The following OPALIN variants were observed in gnomAD, a reference collection of about 807,000 sequenced individuals.
The protein encoded by OPALIN is oligodendrocytic myelin paranodal and inner loop protein, also known as transmembrane protein 10.
A neutral mutation model predicts 17.8 loss-of-function variants in OPALIN; 15 were observed. The observed-to-expected ratio is 0.84, with a 90% confidence interval of 0.56 to 1.29. OPALIN has a LOEUF of 1.29. Among genes scored for constraint, OPALIN ranks in the 50% most tolerant of loss-of-function variants. The pLI, the probability that OPALIN is intolerant of heterozygous loss-of-function variation, is 0.00. For synonymous variants in OPALIN, 62 were observed against 63.8 expected (o/e 0.97, Z 0.14); for missense variants, 170 against 176.0 (o/e 0.97, Z 0.19).
chr10:96,346,246 G>T, intron 5 of OPALIN, 129 bp from the exon 6 acceptor site: 1 of 765,798 alleles, frequency 1.3e-6, no homozygotes, highest in Non-Finnish European at 2.2e-6. Context: ...TGAAGCAATA[G>T]TTTTCAAGAC....
At chr10:96,352,497 C>T (rs761799959) in intron 2 of OPALIN, among the ~76,000 whole-genome samples, 2 of 152,068 alleles carry the variant, frequency 1.3e-5, no homozygotes, top group Non-Finnish European at 2.9e-5. Context: ...TGACCAGGCA[C>T]TGAAACTTGG....
At chr10:96,353,521 T>C in intron 2 of OPALIN, 5 of 1,151,824 alleles carry the variant, frequency 4.3e-6, no homozygotes, top group Non-Finnish European at 6.6e-6. Flanking sequence ...GCAAAATGGT[T>C]GGTTGCTCTA....
At chr10:96,346,493 A>G (rs968206645) in intron 5 of OPALIN, among the ~76,000 whole-genome samples, 3 of 152,224 alleles carry the variant, frequency 2.0e-5, no homozygotes, top group Non-Finnish European at 4.4e-5. Flanking sequence ...TTTATAGCCA[A>G]TGTGAAATCT....
At chr10:96,352,157 G>C (rs1240763455) in intron 2 of OPALIN, among the ~76,000 whole-genome samples, 1 of 152,130 alleles carries the variant, frequency 6.6e-6, no homozygotes, top group African/African-American at 2.4e-5. Context: ...TACAGGGATA[G>C]TAGTAGCTGC....
intron 2 of OPALIN, 78 bp from the exon 3 acceptor site, chr10:96,351,488 G>C: frequency 1.2e-6 from 1 of 846,194 alleles, no homozygotes; most frequent in African/African-American, 1.8e-5. Context: ...ATCTGCCAAA[G>C]TTTAGGCTAT....
chr10:96,358,561 T>C (rs1845901260), intron 1 of OPALIN, among the ~76,000 whole-genome samples: 1 of 152,220 alleles, frequency 6.6e-6, no homozygotes, highest in Non-Finnish European at 1.5e-5. Flanking sequence ...TGACCATCCA[T>C]GTTGCTGATG....
At chr10:96,354,952 C>T (rs1845743253) in intron 2 of OPALIN, among the ~76,000 whole-genome samples, 1 of 151,734 alleles carries the variant, frequency 6.6e-6, no homozygotes, top group Non-Finnish European at 1.5e-5. Flanking sequence ...CAAAAATTAG[C>T]CGGATATGGT....
chr10:96,356,948 A>G, intron 1 of OPALIN: 2 of 985,402 alleles, frequency 2.0e-6, no homozygotes, highest in Non-Finnish European at 2.4e-6. Context: ...ACCACTCTGC[A>G]AGGCTTCCAA....
intron 1 of OPALIN, among the ~76,000 whole-genome samples, chr10:96,358,327 C>A (rs961386990): frequency 1.3e-5 from 2 of 151,590 alleles, no homozygotes; most frequent in African/African-American, 4.8e-5. Context: ...ATGGCAGGGT[C>A]TCCTCCTATT....
chr10:96,354,633 C>T lies in OPALIN; in HGVS notation c.39+622G>A, dbSNP rs143049024. The stretch of plus-strand genomic sequence containing the variant: ...GCAACAAAAGTCAAAATTTATGTAA[C>T]GCCAAACAGGACAGGAAGGGTTACA... On this transcript the variant is annotated intron_variant, in intron 2 of 5. Transcript: ENST00000371172. Among the ~76,000 whole-genome samples the T allele has an allele frequency of 7.4e-3, 1,120 of 152,156 alleles. 20 individuals are homozygous for T. Among genetic ancestry groups the T allele is most frequent in the African/African-American group, 0.025 (1,037 of 41,496 alleles).
chr10:96,354,210 T>C (rs1241746678), intron 2 of OPALIN, among the ~76,000 whole-genome samples: 1 of 152,128 alleles, frequency 6.6e-6, no homozygotes, highest in East Asian at 1.9e-4. Context: ...CTCTTAGTGT[T>C]ATCTATATGC....
intron 1 of OPALIN, among the ~76,000 whole-genome samples, chr10:96,356,166 C>T (rs890471477): frequency 2.0e-5 from 3 of 152,184 alleles, no homozygotes; most frequent in Admixed American, 2.0e-4. Context: ...CCCCTTGGGT[C>T]CAGCCACCCT....
chr10:96,349,632 C>A, intron 4 of OPALIN, 75 bp downstream of exon 4: 1 of 1,518,976 alleles, frequency 6.6e-7, no homozygotes, highest in Non-Finnish European at 8.9e-7. Context: ...ATTCTGACAC[C>A]CTTAGTCCAA....
chr10:96,349,075 T>C (rs1845460566), intron 4 of OPALIN, among the ~76,000 whole-genome samples: 1 of 152,212 alleles, frequency 6.6e-6, no homozygotes, highest in African/African-American at 2.4e-5. Context: ...AATCTCTTAA[T>C]TAATGTTTAC....
At chr10:96,356,923 T>C (rs1295671521) in intron 1 of OPALIN, 2 of 985,312 alleles carry the variant, frequency 2.0e-6, no homozygotes, top group Admixed American at 6.1e-5. Context: ...AGTGTCCCGG[T>C]GACAACCTCT....
At chr10:96,349,910 AC>A (rs1193817345) in intron 3 of OPALIN, 84 bp from the exon 4 acceptor site, 1 of 1,395,308 alleles carries the variant, frequency 7.2e-7, no homozygotes, top group Non-Finnish European at 9.6e-7. Context: ...TAAAAATAAA[AC>A]AAAAAATCTG....
chr10:96,351,104 A>C (rs1389513284), intron 3 of OPALIN, among the ~76,000 whole-genome samples: 1 of 152,178 alleles, frequency 6.6e-6, no homozygotes, highest in Non-Finnish European at 1.5e-5. Context: ...ATTGCCATAG[A>C]GTAGTTTTGT....
intron 2 of OPALIN, among the ~76,000 whole-genome samples, chr10:96,353,233 T>C (rs1845657996): frequency 6.6e-6 from 1 of 152,142 alleles, no homozygotes; most frequent in Non-Finnish European, 1.5e-5. Context: ...GACAGTTCAG[T>C]ATGGACTGAA....
At position 96,343,608 on chromosome 10, in the gene OPALIN, A is replaced by G. The variant is rs982422371; in HGVS notation, c.*2333T>C. ...CCACGGCTGAGTTCTCAGTAAATCC[A>G]AGGTCCTTCATGACATGTAGGAGAA... On this transcript the variant is annotated 3_prime_UTR_variant, in exon 6 of 6. Transcript: ENST00000371172. 17 of 152,242 alleles carry G rather than the reference A, an allele frequency of 1.1e-4. No individual in the cohort carries two copies. The highest frequency in any genetic ancestry group is 4.1e-4 in the African/African-American group (17 of 41,466). 9.4% of individuals were successfully genotyped at this position (152,242 alleles called of 1,614,324 possible). A position where few individuals can be genotyped will look rare whatever the true frequency, so the allele number is the denominator to read the frequency against.
Sources: allele counts gnomAD v4.1 joint callset (sites outside exome capture counted in the v4.1 genomes callset), GRCh38; gene constraint gnomAD v4.1.1; transcripts MANE v1.5; gene names NCBI Gene and HGNC (gene_info 2026-07-23, HGNC 2026-07-21).